Variants in COL15A1 observed in about 807,000 individuals in gnomAD.
The protein encoded by COL15A1 is collagen type XV alpha 1 chain.
Under a neutral mutation model 165.9 loss-of-function variants are expected in COL15A1, and 111 were observed. The observed-to-expected ratio is 0.67, with a 90% CI of 0.57 to 0.78. The LOEUF is 0.78. Ranked by LOEUF, COL15A1 falls within the 30% of genes least tolerant of loss-of-function variation. COL15A1 has a pLI of 0.00. For missense variants in COL15A1, 1,745 were observed against 1,789.7 expected (o/e 0.98, Z 0.45); for synonymous variants, 659 against 674.8 (o/e 0.98, Z 0.36).
intron 14 of COL15A1, among the ~76,000 whole-genome samples, chr9:99,024,524 T>A (rs773607605): frequency 1.1e-4 from 17 of 152,278 alleles, no homozygotes; most frequent in Admixed American, 3.9e-4. Context: ...GACCTTGTGA[T>A]CTGTCCTGAC....
intron 39 of COL15A1, among the ~76,000 whole-genome samples, chr9:99,066,607 T>TTTTTTTG (rs1554692273): frequency 4.7e-5 from 6 of 126,434 alleles, no homozygotes; most frequent in African/African-American, 1.7e-4. Context: ...CTGTTTTTTT[T>TTTTTTTG]TTTTTTTTTT....
In COL15A1 at chr9:99,050,413, G is replaced by T. The variant is rs554671241; in HGVS notation, c.2904+518G>T. ...CTCACTGGCTTGTCCAAGGTCATGGGACTTGACTGAGCTGGGATCATAACT... is the reference window on the plus strand; with the variant it reads ...CTCACTGGCTTGTCCAAGGTCATGGTACTTGACTGAGCTGGGATCATAACT... On this transcript the variant is annotated intron_variant, in intron 30 of 41. Transcript: ENST00000375001. Among the ~76,000 whole-genome samples the T allele has an allele frequency of 7.2e-4, 109 of 152,306 alleles. No homozygotes were observed. The South Asian group carries it at 0.011, about 16-fold the overall frequency.
At chr9:99,011,155 C>T (rs1838841803) in intron 9 of COL15A1, among the ~76,000 whole-genome samples, 1 of 152,006 alleles carries the variant, frequency 6.6e-6, no homozygotes, top group Non-Finnish European at 1.5e-5. Flanking sequence ...ATTATAATGC[C>T]TTGTAATTTA....
chr9:98,994,077 C>T (rs551661724), intron 5 of COL15A1, among the ~76,000 whole-genome samples: 20 of 126,348 alleles, frequency 1.6e-4, no homozygotes, highest in Non-Finnish European at 2.4e-4. Flanking sequence ...TCAGCCCTGG[C>T]TGTGCATCAG....
intron 16 of COL15A1, among the ~76,000 whole-genome samples, chr9:99,029,900 G>A (rs1026876414): frequency 6.6e-6 from 1 of 151,102 alleles, no homozygotes; most frequent in African/African-American, 2.4e-5. Context: ...ACTCCAGCCT[G>A]GGCAACAAGA....
At chr9:98,965,871 C>G (rs538912603) in intron 2 of COL15A1, among the ~76,000 whole-genome samples, 9 of 152,236 alleles carry the variant, frequency 5.9e-5, no homozygotes, top group African/African-American at 2.2e-4. Context: ...CCAGGGGACC[C>G]AATTCCTTGT....
chr9:98,970,086 C>T (rs1210552376), intron 2 of COL15A1, among the ~76,000 whole-genome samples: 2 of 151,138 alleles, frequency 1.3e-5, no homozygotes, highest in Non-Finnish European at 2.9e-5. Context: ...TTCTACTGTG[C>T]AGCCAGGGTT....
chr9:98,960,556 A>C (rs1837849663), intron 2 of COL15A1, among the ~76,000 whole-genome samples: 1 of 152,138 alleles, frequency 6.6e-6, no homozygotes, highest in Non-Finnish European at 1.5e-5. Context: ...TGTGGCACTC[A>C]AGTGTAAGCT....
rs375160252 is a variant in COL15A1 at position 98,944,146 on chromosome 9, C to T, written c.12-16C>T. ...CTTGCCCGCCTCACCTTTTCTCCCT[C>T]GGGCACATCTTGCAGGAGGAACAAC... is the stretch of plus-strand genomic sequence containing the variant. On this transcript the variant is annotated splice_polypyrimidine_tract_variant and intron_variant, in intron 1 of 41. Coordinates refer to ENST00000375001, the MANE Select transcript of COL15A1 (RefSeq NM_001855.5). 5.0e-6 allele frequency: 8 copies of T among 1,614,036 alleles called. No individual in the cohort carries two copies. The African/African-American group carries it at 8.0e-5, about 16-fold the overall frequency.
intron 11 of COL15A1, among the ~76,000 whole-genome samples, chr9:99,016,566 T>C (rs1838938501): frequency 6.6e-6 from 1 of 152,226 alleles, no homozygotes; most frequent in African/African-American, 2.4e-5. Context: ...GCCCTCCGTT[T>C]CCTCATCTGT....
intron 2 of COL15A1, among the ~76,000 whole-genome samples, chr9:98,968,042 G>A (rs1273163048): frequency 5.3e-5 from 8 of 152,222 alleles, no homozygotes. Flanking sequence ...TGGATAAGCA[G>A]ACGGGCTATG....
At position 99,000,867 on chromosome 9, in the gene COL15A1, G is replaced by A. The variant is rs558714946; in HGVS notation, c.981G>A (p.Leu327=). The A allele has an allele frequency of 3.0e-5, 48 of 1,594,392 alleles. No individual in the cohort carries two copies. The highest frequency in any genetic ancestry group is 4.0e-5 in the Non-Finnish European group (47 of 1,162,634). The change falls in exon 7 of 42, where the codon CTG becomes CTA. Residue 327 remains leucine, a synonymous_variant. Transcript: ENST00000375001. ...QGSGEILNDT[L]EGVHSVDGDP... Reference sequence around the variant, plus strand: ...CTGGTGAGATCCTGAATGACACACTGGAGGGGGTTCATTCTGTGGATGGTG... The same window carrying A: ...CTGGTGAGATCCTGAATGACACACTAGAGGGGGTTCATTCTGTGGATGGTG...
chr9:99,069,436 G>C (rs1462968425), intron 41 of COL15A1, among the ~76,000 whole-genome samples: 1 of 152,152 alleles, frequency 6.6e-6, no homozygotes, highest in Admixed American at 6.5e-5. Flanking sequence ...GGGACCCCAT[G>C]AGCAAAGGTT....
At chr9:99,045,578 T>C (rs1839480417) in intron 26 of COL15A1, among the ~76,000 whole-genome samples, 1 of 152,146 alleles carries the variant, frequency 6.6e-6, no homozygotes, top group Admixed American at 6.5e-5. Context: ...GGTCAGACTG[T>C]ACTGATGCTT....
chr9:99,063,897 C>T (rs150857782), intron 39 of COL15A1, among the ~76,000 whole-genome samples: 16 of 152,182 alleles, frequency 1.1e-4, no homozygotes, highest in African/African-American at 3.6e-4. Flanking sequence ...TGAGTGGTGA[C>T]AGTTTCCTTT....
chr9:99,047,694 C>T, intron 26 of COL15A1, 92 bp from the exon 27 acceptor site: 2 of 1,331,770 alleles, frequency 1.5e-6, no homozygotes, highest in South Asian at 2.4e-5. Flanking sequence ...GGATCATCGT[C>T]ACCACTGCCT....
intron 2 of COL15A1, among the ~76,000 whole-genome samples, chr9:98,968,807 G>C (rs982063522): frequency 1.3e-5 from 2 of 152,142 alleles, no homozygotes; most frequent in African/African-American, 4.8e-5. Flanking sequence ...CTGGGGGCGG[G>C]GGCGGGGAAG....
In COL15A1 at chr9:99,015,465, G is replaced by A; in HGVS notation, c.1402G>A (p.Val468Met). 6.2e-7 allele frequency: 1 copy of A among 1,607,538 alleles called. No individual in the cohort carries two copies. Among genetic ancestry groups the A allele is most frequent in the Non-Finnish European group, 8.5e-7 (1 of 1,174,572 alleles). The change falls in exon 10 of 42, where the codon GTG (valine) becomes ATG (methionine). Residue 468 changes from valine (V) to methionine (M), a missense_variant. Val to Met is a conservative substitution (Grantham distance 21, BLOSUM62 1). Transcript: ENST00000375001. The part of the protein sequence containing the change: ...SLTTAAAATE[V>M]SLSTFEDEEA... ...AACAACAGCTGCAGCTGCAACCGAA[G>A]TGTCCCTCAGTACTTTTGAGGATGA...
chr9:98,993,336 G>A (rs1424105029), intron 5 of COL15A1, among the ~76,000 whole-genome samples: 1 of 152,240 alleles, frequency 6.6e-6, no homozygotes, highest in Non-Finnish European at 1.5e-5. Flanking sequence ...TAGTACAGAT[G>A]CCTCGTTCCT....
Sources: allele counts gnomAD v4.1 joint callset (sites outside exome capture counted in the v4.1 genomes callset), GRCh38; gene constraint gnomAD v4.1.1; transcripts MANE v1.5; gene names NCBI Gene and HGNC (gene_info 2026-07-23, HGNC 2026-07-21).